The following BMP6 variants were observed in gnomAD, a reference collection of about 807,000 sequenced individuals.
The protein encoded by BMP6 is bone morphogenetic protein 6.
In BMP6, 17 loss-of-function variants were observed where a neutral mutation model predicts 54.1. That is an observed-to-expected ratio of 0.31 (90% CI 0.22 to 0.47). BMP6 has a LOEUF of 0.47. Ranked by LOEUF, BMP6 falls within the 20% of genes least tolerant of loss-of-function variation. The probability of loss-of-function intolerance (pLI) is 1.00; values close to 1 mark genes in which losing one functional copy is unlikely to be tolerated. For synonymous variants in BMP6, 328 were observed against 291.2 expected, an observed-to-expected ratio of 1.13 and a Z score of -1.28; for missense variants, 720 against 690.4, an observed-to-expected ratio of 1.04 and a Z score of -0.48.
At chr6:7,738,157 A>G (rs1761990518) in intron 1 of BMP6, among the ~76,000 whole-genome samples, 2 of 152,274 alleles carry the variant, frequency 1.3e-5, no homozygotes, top group South Asian at 2.1e-4. Context: ...GAGGTTTACA[A>G]ATCTTTCTCC....
chr6:7,876,348 T>A (rs559985459), intron 4 of BMP6, among the ~76,000 whole-genome samples: 1 of 152,374 alleles, frequency 6.6e-6, no homozygotes, highest in East Asian at 1.9e-4. Flanking sequence ...TCTGATCCTC[T>A]TGGAACTCTT....
chr6:7,850,592 A>T (rs892931359), intron 2 of BMP6, among the ~76,000 whole-genome samples: 2 of 152,230 alleles, frequency 1.3e-5, no homozygotes, highest in Non-Finnish European at 2.9e-5. Context: ...TAATTGTCCC[A>T]GGAGAGAAAA....
chr6:7,801,833 G>C (rs916161698), intron 1 of BMP6, among the ~76,000 whole-genome samples: 16 of 152,226 alleles, frequency 1.1e-4, no homozygotes, highest in African/African-American at 3.9e-4. Context: ...AGACACAACA[G>C]ATGTTGTTCT....
Position 7,845,185 on chromosome 6 carries a change from A to C in BMP6, c.710A>C (p.Glu237Ala). The stretch of plus-strand genomic sequence containing the variant: ...TCCCCTCGTCAGCGACACCACAAAG[A>C]GTTCAAGTTCAACTTATCCCAGATT... ...EFSPRQRHHK[E>A]FKFNLSQIPE... is the part of the protein sequence containing the mutation. Residue 237 changes from glutamate (E) to alanine (A), a missense_variant, in exon 2 of 7, where the codon GAG (glutamate) becomes GCG (alanine). Coordinates refer to ENST00000283147, the MANE Select transcript of BMP6 (RefSeq NM_001718.6). The C allele has an allele frequency of 6.2e-7, 1 of 1,614,190 alleles. No homozygotes were observed. Among genetic ancestry groups the C allele is most frequent in the Non-Finnish European group, 8.5e-7 (1 of 1,179,998 alleles).
Position 7,727,411 on chromosome 6 carries a change from G to T in BMP6, c.456G>T (p.Ala152=), listed in dbSNP as rs371034097. 6.2e-7 allele frequency: 1 copy of T among 1,606,698 alleles called. No individual in the cohort carries two copies. Among genetic ancestry groups the T allele is most frequent in the South Asian group, 1.1e-5 (1 of 90,320 alleles). The change falls in exon 1 of 7, where the codon GCG becomes GCT. Residue 152 remains alanine, a synonymous_variant. Transcript: ENST00000283147. ...ALSADNDEDG[A]SEGERQQSWP... Reference sequence around the variant, plus strand: ...CCGCCGACAACGACGAGGACGGGGCGTCGGAGGGGGAGAGGCAGCAGTCCT... The same window carrying T: ...CCGCCGACAACGACGAGGACGGGGCTTCGGAGGGGGAGAGGCAGCAGTCCT...
intron 1 of BMP6, among the ~76,000 whole-genome samples, chr6:7,760,062 CTTTTTTTTT>C (rs10587005): frequency 6.1e-5 from 7 of 114,480 alleles, no homozygotes; most frequent in African/African-American, 2.1e-4. Flanking sequence ...TATTTTTCAA[CTTTTTTTTT>C]TTTTTTTTTT....
At chr6:7,849,774 C>T (rs1406909026) in intron 2 of BMP6, among the ~76,000 whole-genome samples, 10 of 152,198 alleles carry the variant, frequency 6.6e-5, no homozygotes, top group East Asian at 1.9e-4. Flanking sequence ...CCATGAAGAT[C>T]GGCCACACTT....
intron 2 of BMP6, among the ~76,000 whole-genome samples, chr6:7,846,074 T>C (rs2113256027): frequency 6.6e-6 from 1 of 152,304 alleles, no homozygotes. Flanking sequence ...GTTTAGTAAG[T>C]CAGTGAGAAT....
At chr6:7,820,445 T>C (rs146685456) in intron 1 of BMP6, among the ~76,000 whole-genome samples, 43 of 152,356 alleles carry the variant, frequency 2.8e-4, no homozygotes, top group African/African-American at 9.6e-4. Context: ...CGGGACTTGC[T>C]GATGACTGCG....
At chr6:7,829,026 C>T (rs1324742024) in intron 1 of BMP6, among the ~76,000 whole-genome samples, 1 of 152,190 alleles carries the variant, frequency 6.6e-6, no homozygotes, top group East Asian at 1.9e-4. Flanking sequence ...ATATGAATCC[C>T]CAGTAACCCG....
chr6:7,772,933 G>T (rs1018207517), intron 1 of BMP6, among the ~76,000 whole-genome samples: 1 of 152,086 alleles, frequency 6.6e-6, no homozygotes, highest in Non-Finnish European at 1.5e-5. Context: ...CTATCTCCTT[G>T]TGGTGCTTTA....
chr6:7,754,998 G>A (rs150428989), intron 1 of BMP6, among the ~76,000 whole-genome samples: 260 of 152,182 alleles, frequency 1.7e-3, no homozygotes, highest in African/African-American at 5.8e-3. Flanking sequence ...GATTACAGGC[G>A]TGAGCCACCG....
At chr6:7,739,265 C>G (rs573853858) in intron 1 of BMP6, among the ~76,000 whole-genome samples, 8 of 152,260 alleles carry the variant, frequency 5.3e-5, no homozygotes, top group African/African-American at 1.9e-4. Flanking sequence ...CCCTGTGTTT[C>G]TGTTTTAAAT....
intron 1 of BMP6, among the ~76,000 whole-genome samples, chr6:7,764,977 G>T (rs140530770): frequency 5.7e-4 from 87 of 152,336 alleles, no homozygotes; most frequent in African/African-American, 2.0e-3. Flanking sequence ...ATAATACTCT[G>T]TGCAGGTAAT....
At chr6:7,780,413 G>A (rs1295049469) in intron 1 of BMP6, among the ~76,000 whole-genome samples, 1 of 152,078 alleles carries the variant, frequency 6.6e-6, no homozygotes, top group Non-Finnish European at 1.5e-5. Context: ...GCCGGATGTG[G>A]TGGCTGGCCC....
chr6:7,739,380 G>A (rs1433990877), intron 1 of BMP6, among the ~76,000 whole-genome samples: 3 of 152,154 alleles, frequency 2.0e-5, no homozygotes, highest in South Asian at 4.1e-4. Context: ...TATTCTGGAA[G>A]CTTAAATAGA....
In BMP6 at chr6:7,752,559, GT is replaced by G. The variant is rs5874110; in HGVS notation, c.664+24958del. Among the ~76,000 whole-genome samples, 476 of 122,408 alleles carry G rather than the reference GT, an allele frequency of 3.9e-3. 1 individual carries two copies. The highest frequency in any genetic ancestry group is 6.7e-3 in the African/African-American group (221 of 33,084). The allele number at this position is 122,408 out of a possible 152,430, so 80.3% of individuals were successfully genotyped here. A position where few individuals can be genotyped will look rare whatever the true frequency, so the allele number is the denominator to read the frequency against. ...CATGTTATTATGGAGTTCAACATAG[GT>G]TTTTTTTTTTTTTTTTTGCTTTTTA... On this transcript the variant is annotated intron_variant, in intron 1 of 6. Transcript: ENST00000283147.
At chr6:7,745,563 G>T (rs1187879682) in intron 1 of BMP6, among the ~76,000 whole-genome samples, 1 of 152,230 alleles carries the variant, frequency 6.6e-6, no homozygotes. Flanking sequence ...GAGCCACCAT[G>T]CTCAGCCTTG....
chr6:7,836,326 G>A (rs886801610), intron 1 of BMP6, among the ~76,000 whole-genome samples: 1 of 152,156 alleles, frequency 6.6e-6, no homozygotes, highest in Admixed American at 6.5e-5. Flanking sequence ...GAATAAAAGG[G>A]TAGCCCCAGA....
Sources: gnomAD v4.1 joint callset for allele counts (sites outside exome capture counted in the v4.1 genomes callset) on GRCh38, gnomAD v4.1.1 for gene constraint, MANE v1.5 for transcripts, NCBI Gene and HGNC (gene_info 2026-07-23, HGNC 2026-07-21) for gene names.